Variants in ADAM12 observed in about 807,000 individuals in gnomAD.
ADAM12 encodes the protein ADAM metallopeptidase domain 12.
Under a neutral mutation model 106.4 loss-of-function variants are expected in ADAM12, and 70 were observed. The ratio of observed to expected loss-of-function variants is 0.66; its 90% confidence interval spans 0.54 to 0.80. ADAM12 has a LOEUF of 0.80. Among genes scored for constraint, ADAM12 ranks in the 30% least tolerant of loss-of-function variants. ADAM12 has a pLI of 0.00. For synonymous variants in ADAM12, 420 were observed against 433.5 expected (o/e 0.97, Z 0.39); for missense variants, 1,010 against 1,171.9 (o/e 0.86, Z 2.02).
chr10:126,280,588 A>C (rs1473074383), intron 2 of ADAM12, among the ~76,000 whole-genome samples: 1 of 152,122 alleles, frequency 6.6e-6, no homozygotes, highest in African/African-American at 2.4e-5. Context: ...TACATCATCC[A>C]ATTGCCACCT....
At chr10:126,235,782 G>T (rs530703507) in intron 3 of ADAM12, among the ~76,000 whole-genome samples, 1 of 152,164 alleles carries the variant, frequency 6.6e-6, no homozygotes, top group Non-Finnish European at 1.5e-5. Context: ...AATAATGGTC[G>T]TGTTCGAGGA....
At chr10:126,054,839 G>T (rs1189162348) in intron 14 of ADAM12, among the ~76,000 whole-genome samples, 2 of 152,144 alleles carry the variant, frequency 1.3e-5, no homozygotes, top group African/African-American at 4.8e-5. Context: ...TGTGGGGAAG[G>T]TGTGGCTTCT....
rs56076315 is a variant in ADAM12 at position 126,064,790 on chromosome 10, T to C, written c.1609+16A>G. The stretch of plus-strand genomic sequence containing the variant: ...CCAGTGCCTCTCCTGATGCCGAGCT[T>C]GTGGCGGCCACGTACCTGGTCCCCA... On this transcript the variant is annotated intron_variant, in intron 14 of 22. Coordinates refer to ENST00000448723, the MANE Select transcript of ADAM12 (RefSeq NM_001288973.2). The surrounding 1 kb of genome is among the most constrained non-coding windows in gnomAD (Gnocchi z 4.4). The C allele has an allele frequency of 0.14, 224,572 of 1,587,570 alleles. 17,810 individuals carry two copies. Among genetic ancestry groups the C allele is most frequent in the Non-Finnish European group, 0.16 (190,172 of 1,167,188 alleles).
intron 11 of ADAM12, among the ~76,000 whole-genome samples, chr10:126,084,753 C>G (rs1813595531): frequency 6.6e-6 from 1 of 152,160 alleles, no homozygotes; most frequent in Non-Finnish European, 1.5e-5. Flanking sequence ...AAAGAGCTGT[C>G]CCTCTCAACC....
intron 5 of ADAM12, among the ~76,000 whole-genome samples, chr10:126,131,624 G>C (rs1334549115): frequency 6.6e-6 from 1 of 152,120 alleles, no homozygotes; most frequent in Non-Finnish European, 1.5e-5. Context: ...CACGCACAAA[G>C]AGAGGTCACG....
intron 2 of ADAM12, among the ~76,000 whole-genome samples, chr10:126,322,235 C>G (rs753570673): frequency 6.6e-6 from 1 of 152,188 alleles, no homozygotes; most frequent in Admixed American, 6.5e-5. Flanking sequence ...CCAGTTGAGT[C>G]GCTTCAGCAG....
At chr10:126,098,933 C>T (rs1443976122) in intron 9 of ADAM12, among the ~76,000 whole-genome samples, 1 of 152,226 alleles carries the variant, frequency 6.6e-6, no homozygotes, top group Non-Finnish European at 1.5e-5. Context: ...TACTACAGTT[C>T]TGCCAGACAC....
intron 1 of ADAM12, among the ~76,000 whole-genome samples, chr10:126,333,997 C>T (rs1854609374): frequency 6.6e-6 from 1 of 152,184 alleles, no homozygotes; most frequent in South Asian, 2.1e-4. Flanking sequence ...TTTTCATTGG[C>T]TGCACAACAG....
chr10:126,239,765 AC>A (rs1374079884), intron 3 of ADAM12, among the ~76,000 whole-genome samples: 1 of 152,238 alleles, frequency 6.6e-6, no homozygotes, highest in African/African-American at 2.4e-5. Flanking sequence ...TTGAAAGAGA[AC>A]CATTCACGTC....
At chr10:126,039,485 G>A in intron 18 of ADAM12, 56 bp from the exon 19 acceptor site, 1 of 1,606,762 alleles carries the variant, frequency 6.2e-7, no homozygotes, top group Non-Finnish European at 8.5e-7. Flanking sequence ...AAATATGGGA[G>A]GTATCAAGTT....
intron 10 of ADAM12, among the ~76,000 whole-genome samples, chr10:126,095,698 GC>G (rs1322004800): frequency 6.6e-6 from 1 of 151,884 alleles, no homozygotes; most frequent in Non-Finnish European, 1.5e-5. Flanking sequence ...AGTTTGTTTA[GC>G]CCCCTTGCCA....
chr10:126,182,223 A>G (rs1957325329), intron 3 of ADAM12, among the ~76,000 whole-genome samples: 1 of 152,174 alleles, frequency 6.6e-6, no homozygotes. Context: ...ATGTAGAGGG[A>G]GTATGTGGTA....
At position 126,320,346 on chromosome 10, in the gene ADAM12, A is replaced by G. The variant is rs143272286; in HGVS notation, c.186+10066T>C. Among the ~76,000 whole-genome samples the G allele has an allele frequency of 2.6e-4, 40 of 152,322 alleles. No individual in the cohort carries two copies. In the East Asian group the frequency reaches 5.8e-3, roughly 22 times the overall value. On this transcript the variant is annotated intron_variant, in intron 2 of 22. Coordinates refer to ENST00000448723, the MANE Select transcript of ADAM12 (RefSeq NM_001288973.2). ...TCCCACAGCGGCTCTCTATGCAGGC[A>G]TATGTTACATTCTACAACGGTGCTG...
chr10:126,202,030 C>T (rs1590611613), intron 3 of ADAM12, among the ~76,000 whole-genome samples: 1 of 152,216 alleles, frequency 6.6e-6, no homozygotes, highest in African/African-American at 2.4e-5. Context: ...GGCTGCAACG[C>T]ACAGGATGTA....
chr10:126,305,363 A>G (rs1413202032), intron 2 of ADAM12, among the ~76,000 whole-genome samples: 3 of 152,110 alleles, frequency 2.0e-5, no homozygotes, highest in Non-Finnish European at 4.4e-5. Flanking sequence ...GCCAGACACA[A>G]AAGAGTACAA....
At chr10:126,279,628 G>A (rs762989538) in intron 2 of ADAM12, among the ~76,000 whole-genome samples, 8 of 151,958 alleles carry the variant, frequency 5.3e-5, no homozygotes, top group African/African-American at 9.7e-5. Flanking sequence ...TCAGGAGGCT[G>A]AAGCAGGAGA....
In ADAM12 at chr10:126,066,579, T is replaced by C; in HGVS notation, c.1413+138A>G. 1.3e-6 allele frequency: 1 copy of C among 744,150 alleles called. No individual in the cohort carries two copies. Among genetic ancestry groups the C allele is most frequent in the Non-Finnish European group, 2.3e-6 (1 of 439,822 alleles). The allele number at this position is 744,150 out of a possible 1,614,324, so 46.1% of individuals were successfully genotyped here. A position where few individuals can be genotyped will look rare whatever the true frequency, so the allele number is the denominator to read the frequency against. ...ACAGTAAGAGGTGGGTAACACCAACTGGCGTGAGAAGGAGGGATGGTGCGT... is the reference window on the plus strand; with the variant it reads ...ACAGTAAGAGGTGGGTAACACCAACCGGCGTGAGAAGGAGGGATGGTGCGT... On this transcript the variant is annotated intron_variant, in intron 13 of 22. Transcript: ENST00000448723. The surrounding 1 kb of genome is among the most constrained non-coding windows in gnomAD (Gnocchi z 5.1).
rs147578888 is a variant in ADAM12 at position 126,295,548 on chromosome 10, TACACAC to T, written c.187-16566_187-16561del. On this transcript the variant is annotated intron_variant, in intron 2 of 22. Transcript: ENST00000448723. ...CCACAAAAATACACACACACACACA[TACACAC>T]ACACACACACACACACATCTCTGTT... 6.5e-4 allele frequency among the ~76,000 whole-genome samples: 96 copies of T among 146,632 alleles called. 1 individual carries two copies. Among genetic ancestry groups the T allele is most frequent in the African/African-American group, 2.3e-3 (91 of 40,006 alleles).
intron 8 of ADAM12, among the ~76,000 whole-genome samples, chr10:126,104,029 A>G (rs1237879133): frequency 6.6e-6 from 1 of 152,204 alleles, no homozygotes; most frequent in Non-Finnish European, 1.5e-5. Context: ...TGCACTGGAG[A>G]CTTTTGGGAA....
Sources: allele counts gnomAD v4.1 joint callset (sites outside exome capture counted in the v4.1 genomes callset), GRCh38; gene constraint gnomAD v4.1.1; non-coding constraint Gnocchi (gnomAD v3.1); transcripts MANE v1.5; gene names NCBI Gene and HGNC (gene_info 2026-07-23, HGNC 2026-07-21).